The following SLC9C1 variants were observed in gnomAD, a reference collection of about 807,000 sequenced individuals.
SLC9C1 encodes solute carrier family 9 member C1, also known as sodium/hydrogen exchanger 10.
A neutral mutation model predicts 140.9 loss-of-function variants in SLC9C1; 97 were observed. That is an observed-to-expected ratio of 0.69 (90% CI 0.58 to 0.82). The LOEUF is 0.82. SLC9C1 is among the 40% of genes least tolerant of loss of function. The pLI is 0.00. For synonymous variants in SLC9C1, 440 were observed against 442.6 expected (o/e 0.99, Z 0.07); for missense variants, 1,340 against 1,389.3 (o/e 0.96, Z 0.56).
chr3:112,248,070 C>A (rs2079342736), intron 10 of SLC9C1, among the ~76,000 whole-genome samples: 1 of 152,166 alleles, frequency 6.6e-6, no homozygotes, highest in Admixed American at 6.6e-5. Flanking sequence ...CTCTCTCTAG[C>A]TCTCTTGCTT....
intron 28 of SLC9C1, among the ~76,000 whole-genome samples, chr3:112,145,075 G>C (rs752189196): frequency 4.6e-5 from 7 of 152,072 alleles, no homozygotes; most frequent in Non-Finnish European, 1.0e-4. Flanking sequence ...TTGGCTGTGG[G>C]CTTGTCCCAA....
chr3:112,153,203 A>G (rs1348386489), intron 27 of SLC9C1, among the ~76,000 whole-genome samples: 1 of 152,184 alleles, frequency 6.6e-6, no homozygotes, highest in Non-Finnish European at 1.5e-5. Flanking sequence ...TCATTTAACA[A>G]ACTTTCATTT....
intron 20 of SLC9C1, among the ~76,000 whole-genome samples, chr3:112,188,739 G>A (rs747699500): frequency 6.6e-6 from 1 of 152,082 alleles, no homozygotes; most frequent in Non-Finnish European, 1.5e-5. Context: ...ATAATCCTTT[G>A]GGTATATACC....
chr3:112,274,865 T>C, intron 6 of SLC9C1, 32 bp downstream of exon 6: 1 of 1,481,912 alleles, frequency 6.7e-7, no homozygotes, highest in South Asian at 1.4e-5. Flanking sequence ...AGGATTCTGA[T>C]GTTGAGAAAA....
chr3:112,217,140 G>A (rs2078400051), intron 15 of SLC9C1, among the ~76,000 whole-genome samples: 1 of 152,130 alleles, frequency 6.6e-6, no homozygotes, highest in African/African-American at 2.4e-5. Context: ...TCACTCATAG[G>A]TGGGAACTGA....
In SLC9C1 at chr3:112,169,214, C is replaced by T. The variant is rs1177603978; in HGVS notation, c.3034G>A (p.Glu1012Lys). 2 of 1,612,912 alleles carry T rather than the reference C, an allele frequency of 1.2e-6. No individual in the cohort carries two copies. Among genetic ancestry groups the T allele is most frequent in the Admixed American group, 3.3e-5 (2 of 59,802 alleles). ...CTTCCTACCTCATAAGATAAGTGTT[C>T]TCTGATTTTTCTGGCTGTAATAGCG... The part of the protein sequence containing the change: ...GLAITARKIR[E>K]HLSYEDWNYN... Residue 1012 changes from glutamate to lysine, a missense_variant, in exon 24 of 29, where the codon GAA (glutamate) becomes AAA (lysine). By Grantham distance (56) the Glu-to-Lys change is moderately conservative. Coordinates refer to ENST00000305815, the MANE Select transcript of SLC9C1 (RefSeq NM_183061.3).
At chr3:112,193,766 G>C (rs2077713305) in intron 20 of SLC9C1, among the ~76,000 whole-genome samples, 1 of 152,058 alleles carries the variant, frequency 6.6e-6, no homozygotes, top group South Asian at 2.1e-4. Context: ...GGCCTCTCCT[G>C]GTTGCAGGAG....
Position 112,152,473 on chromosome 3 carries a change from C to T in SLC9C1, c.3418-510G>A, listed in dbSNP as rs543705715. Among the ~76,000 whole-genome samples the T allele has an allele frequency of 5.3e-5, 8 of 152,184 alleles. No homozygotes were observed. In the East Asian group the frequency reaches 7.7e-4, roughly 15 times the overall value. On this transcript the variant is annotated intron_variant, in intron 27 of 28. Transcript: ENST00000305815. Reference sequence around the variant, plus strand: ...TAGAATGTATGATCGGGTTTTACACCGAGACATTCCATTCCCAGGGACGAG... The same window carrying T: ...TAGAATGTATGATCGGGTTTTACACTGAGACATTCCATTCCCAGGGACGAG...
chr3:112,289,207 C>A (rs2080605500), intron 1 of SLC9C1, among the ~76,000 whole-genome samples: 1 of 152,178 alleles, frequency 6.6e-6, no homozygotes, highest in Admixed American at 6.5e-5. Flanking sequence ...CTGTAGTTAA[C>A]AAGTTTTGTT....
At chr3:112,167,697 T>C (rs1401126426) in intron 25 of SLC9C1, among the ~76,000 whole-genome samples, 1 of 152,084 alleles carries the variant, frequency 6.6e-6, no homozygotes, top group Non-Finnish European at 1.5e-5. Context: ...CATTAAACTT[T>C]CTTTCTGCCA....
At chr3:112,203,609 G>A (rs577655949) in intron 17 of SLC9C1, among the ~76,000 whole-genome samples, 1 of 152,066 alleles carries the variant, frequency 6.6e-6, no homozygotes, top group South Asian at 2.1e-4. Flanking sequence ...TATCTTGTTT[G>A]TGTATGAATA....
rs891291081 is a variant in SLC9C1 at position 112,263,147 on chromosome 3, T to C, written c.1023-49A>G. ...AAAGTTATTCTTTCATATGAGTTTCTTTCCATTTCATGCTACTCTATTCTA... is the reference window on the plus strand; with the variant it reads ...AAAGTTATTCTTTCATATGAGTTTCCTTCCATTTCATGCTACTCTATTCTA... On this transcript the variant is annotated intron_variant, in intron 9 of 28. Coordinates refer to ENST00000305815, the MANE Select transcript of SLC9C1 (RefSeq NM_183061.3). 4.7e-6 allele frequency: 7 copies of C among 1,480,820 alleles called. No homozygotes were observed. The Admixed American group carries it at 9.0e-5, about 19-fold the overall frequency. The allele number at this position is 1,480,820 out of a possible 1,614,324, so 91.7% of individuals were successfully genotyped here.
intron 26 of SLC9C1, among the ~76,000 whole-genome samples, chr3:112,164,273 T>G (rs528665537): frequency 6.6e-6 from 1 of 150,460 alleles, no homozygotes; most frequent in African/African-American, 2.5e-5. Flanking sequence ...TCCATTTACA[T>G]TTAAAGTTAA....
chr3:112,290,789 A>G (rs1427879400), intron 1 of SLC9C1, among the ~76,000 whole-genome samples: 2 of 143,752 alleles, frequency 1.4e-5, no homozygotes, highest in African/African-American at 2.6e-5. Context: ...ACCCTTTACC[A>G]TTATGTTATT....
At chr3:112,159,825 C>CTT (rs59593419) in intron 26 of SLC9C1, among the ~76,000 whole-genome samples, 3 of 151,364 alleles carry the variant, frequency 2.0e-5, no homozygotes, top group East Asian at 1.9e-4. Context: ...CTTTTTTGTT[C>CTT]TTTTTTTGGT....
At position 112,221,595 on chromosome 3, in the gene SLC9C1, A is replaced by C. The variant is rs141145753; in HGVS notation, c.1573-370T>G. Among the ~76,000 whole-genome samples, 448 of 152,228 alleles carry C rather than the reference A, an allele frequency of 2.9e-3. 4 individuals carry two copies. Among genetic ancestry groups the C allele is most frequent in the African/African-American group, 0.01 (425 of 41,574 alleles). ...ACAGTAAAAAAAAATCCTACTATACATCTTTATTTAATTGAATTTTCTCAA... is the reference window on the plus strand; with the variant it reads ...ACAGTAAAAAAAAATCCTACTATACCTCTTTATTTAATTGAATTTTCTCAA... On this transcript the variant is annotated intron_variant, in intron 13 of 28. Coordinates refer to ENST00000305815, the MANE Select transcript of SLC9C1 (RefSeq NM_183061.3).
intron 20 of SLC9C1, chr3:112,185,599 C>T (rs1264493405): frequency 6.9e-6 from 11 of 1,600,900 alleles, no homozygotes; most frequent in Non-Finnish European, 9.4e-6. Context: ...AGGGCTCGCC[C>T]GAAGCCCTCT....
At chr3:112,262,840 A>C in intron 10 of SLC9C1, 84 bp downstream of exon 10, 2 of 1,169,944 alleles carry the variant, frequency 1.7e-6, no homozygotes, top group South Asian at 2.8e-5. Context: ...AAGTTGAGCT[A>C]CCTCACTACA....
At chr3:112,212,520 T>G (rs1453581002) in intron 15 of SLC9C1, among the ~76,000 whole-genome samples, 2 of 152,148 alleles carry the variant, frequency 1.3e-5, no homozygotes, top group African/African-American at 4.8e-5. Flanking sequence ...AAGGACCTGA[T>G]GGAGGTGAAA....
Sources: allele counts gnomAD v4.1 joint callset (sites outside exome capture counted in the v4.1 genomes callset), GRCh38; gene constraint gnomAD v4.1.1; transcripts MANE v1.5; gene names NCBI Gene and HGNC (gene_info 2026-07-23, HGNC 2026-07-21).